Variants in SPPL3 observed in about 807,000 individuals in gnomAD.
SPPL3 encodes signal peptide peptidase-like 3.
In SPPL3, 5 loss-of-function variants were observed where a neutral mutation model predicts 42.4. The observed-to-expected ratio is 0.12, with a 90% CI of 0.06 to 0.25. The LOEUF (loss-of-function observed/expected upper bound fraction) is 0.25. Among genes scored for constraint, SPPL3 ranks in the 10% least tolerant of loss-of-function variants. The probability of loss-of-function intolerance (pLI) is 1.00; values close to 1 mark genes in which losing one functional copy is unlikely to be tolerated. For synonymous variants in SPPL3, 195 were observed against 181.8 expected, an observed-to-expected ratio of 1.07 and a Z score of -0.58; for missense variants, 235 against 489.0, an observed-to-expected ratio of 0.48 and a Z score of 4.90.
At chr12:120,900,857 C>T (rs549504090) in intron 1 of SPPL3, among the ~76,000 whole-genome samples, 3 of 149,072 alleles carry the variant, frequency 2.0e-5, no homozygotes, top group African/African-American at 5.0e-5. Flanking sequence ...GGGAGGCAGA[C>T]GCTGCAGTGA....
intron 1 of SPPL3, among the ~76,000 whole-genome samples, chr12:120,877,190 A>C (rs554444451): frequency 6.6e-6 from 1 of 152,352 alleles, no homozygotes; most frequent in East Asian, 1.9e-4. Flanking sequence ...TATATAGCCT[A>C]AACAGGCCAA....
intron 2 of SPPL3, among the ~76,000 whole-genome samples, chr12:120,806,070 A>T (rs1870478830): frequency 6.6e-6 from 1 of 150,970 alleles, no homozygotes; most frequent in Non-Finnish European, 1.5e-5. Flanking sequence ...CAAAGGATCC[A>T]GAGTAGCCAG....
At chr12:120,829,034 G>A (rs1871313870) in intron 1 of SPPL3, among the ~76,000 whole-genome samples, 1 of 152,170 alleles carries the variant, frequency 6.6e-6, no homozygotes, top group African/African-American at 2.4e-5. Flanking sequence ...AAAGTTCTGG[G>A]ATTAGAGGCA....
At chr12:120,765,206 T>C in intron 10 of SPPL3, 136 bp from the exon 11 acceptor site, 1 of 700,342 alleles carries the variant, frequency 1.4e-6, no homozygotes, top group Non-Finnish European at 2.3e-6. Flanking sequence ...CTCAAACTCC[T>C]GGGCTCGGGC....
chr12:120,807,441 C>T (rs957000108), intron 2 of SPPL3, among the ~76,000 whole-genome samples: 8 of 151,840 alleles, frequency 5.3e-5, no homozygotes, highest in Admixed American at 3.3e-4. Context: ...TTTGGGAGGC[C>T]GAGGCGGGCA....
At chr12:120,836,300 G>A (rs987449501) in intron 1 of SPPL3, among the ~76,000 whole-genome samples, 2 of 152,104 alleles carry the variant, frequency 1.3e-5, no homozygotes, top group South Asian at 2.1e-4. Context: ...GATCTAGCAG[G>A]CTCCACTTTT....
chr12:120,867,721 T>C (rs1044430860), intron 1 of SPPL3, among the ~76,000 whole-genome samples: 2 of 144,946 alleles, frequency 1.4e-5, no homozygotes, highest in Admixed American at 1.5e-4. Context: ...GTTGAACAAC[T>C]ATGGTATTAG....
At chr12:120,822,501 C>T (rs567523197) in intron 1 of SPPL3, among the ~76,000 whole-genome samples, 32 of 152,242 alleles carry the variant, frequency 2.1e-4, no homozygotes, top group Admixed American at 9.8e-4. Context: ...AAAATGAATG[C>T]TACAGATTGA....
intron 9 of SPPL3, 135 bp from the exon 10 acceptor site, chr12:120,766,507 CT>C: frequency 1.6e-6 from 1 of 615,008 alleles, no homozygotes; most frequent in Non-Finnish European, 2.7e-6. Context: ...AAATGCCCAG[CT>C]TGGGCAGTTG....
intron 1 of SPPL3, among the ~76,000 whole-genome samples, chr12:120,823,242 C>T (rs1266424292): frequency 1.1e-4 from 15 of 140,786 alleles, no homozygotes; most frequent in Admixed American, 7.1e-4. Context: ...GCGGCGGTGG[C>T]GGGGAGGACA....
At chr12:120,903,763 C>A (rs1480645649) in intron 1 of SPPL3, 82 bp downstream of exon 1, 9 of 850,524 alleles carry the variant, frequency 1.1e-5, no homozygotes, top group Admixed American at 3.4e-5. Flanking sequence ...CCTGTTCTTC[C>A]TCCTCTTCCC....
chr12:120,878,478 T>C (rs1161515500), intron 1 of SPPL3, among the ~76,000 whole-genome samples: 1 of 152,218 alleles, frequency 6.6e-6, no homozygotes, highest in Non-Finnish European at 1.5e-5. Context: ...AGCTGATAAA[T>C]GACTTTCTCT....
intron 1 of SPPL3, among the ~76,000 whole-genome samples, chr12:120,840,723 T>C (rs1057211389): frequency 4.0e-5 from 6 of 151,534 alleles, no homozygotes; most frequent in African/African-American, 1.5e-4. Flanking sequence ...CCCAAGCTAT[T>C]TGGGGGGCTG....
chr12:120,876,808 T>TACACACACACACACAC (rs71076677), intron 1 of SPPL3, among the ~76,000 whole-genome samples: 6 of 146,696 alleles, frequency 4.1e-5, no homozygotes, highest in African/African-American at 1.3e-4. Flanking sequence ...GAGAAACACA[T>TACACACACACACACAC]ACACACACAC....
intron 1 of SPPL3, among the ~76,000 whole-genome samples, chr12:120,850,148 G>A (rs1872175088): frequency 6.6e-6 from 1 of 152,120 alleles, no homozygotes; most frequent in African/African-American, 2.4e-5. Context: ...GAAATATAAT[G>A]GATGGTTGGT....
At chr12:120,884,294 A>G (rs1304641033) in intron 1 of SPPL3, among the ~76,000 whole-genome samples, 1 of 152,134 alleles carries the variant, frequency 6.6e-6, no homozygotes, top group African/African-American at 2.4e-5. Flanking sequence ...GGTGAAGTTC[A>G]TGAGCGTTCA....
intron 1 of SPPL3, among the ~76,000 whole-genome samples, chr12:120,833,629 G>A (rs1871502544): frequency 7.5e-6 from 1 of 133,552 alleles, no homozygotes; most frequent in South Asian, 2.3e-4. Flanking sequence ...CAGGAGTTGG[G>A]AGACCAGCCT....
chr12:120,834,705 C>CTA (rs1158358088), intron 1 of SPPL3, among the ~76,000 whole-genome samples: 1 of 152,160 alleles, frequency 6.6e-6, no homozygotes, highest in Non-Finnish European at 1.5e-5. Flanking sequence ...AATGAAGGTC[C>CTA]TATACTACTC....
At chr12:120,847,997 A>G (rs1872099172) in intron 1 of SPPL3, among the ~76,000 whole-genome samples, 1 of 152,178 alleles carries the variant, frequency 6.6e-6, no homozygotes, top group Non-Finnish European at 1.5e-5. Flanking sequence ...GAAAAAGGGA[A>G]GTAAGGCATT....
Sources: allele counts gnomAD v4.1 joint callset (sites outside exome capture counted in the v4.1 genomes callset), GRCh38; gene constraint gnomAD v4.1.1; transcripts MANE v1.5; gene names NCBI Gene and HGNC (gene_info 2026-07-23, HGNC 2026-07-21).